TUNAR: variants seen among roughly 807,000 people sequenced by gnomAD.
TUNAR encodes transmembrane neural differentiation associated intracellular calcium regulator.
chr14:95,879,645 G>A (rs538224239), intron 2 of TUNAR, among the ~76,000 whole-genome samples: 36 of 149,792 alleles, frequency 2.4e-4, no homozygotes, highest in African/African-American at 7.3e-4. Context: ...TTTTCTCCCC[G>A]TGTGAAAATA....
chr14:95,887,161 G>A (rs1372690629), intron 2 of TUNAR, among the ~76,000 whole-genome samples: 1 of 152,184 alleles, frequency 6.6e-6, no homozygotes, highest in African/African-American at 2.4e-5. Flanking sequence ...GGTTCTCAGA[G>A]CACCTAGTGC....
chr14:95,889,592 A>T (rs1207017190), intron 2 of TUNAR, among the ~76,000 whole-genome samples: 1 of 152,114 alleles, frequency 6.6e-6, no homozygotes, highest in Non-Finnish European at 1.5e-5. Flanking sequence ...CGTGACTGGG[A>T]GCTGACTGCT....
intron 2 of TUNAR, 36 bp from the exon 2 acceptor site, chr14:95,922,745 A>G (rs1889717488): frequency 2.5e-6 from 1 of 398,564 alleles, no homozygotes; most frequent in African/African-American, 2.1e-5. Flanking sequence ...ATGCTTATAA[A>G]TGATCATCTT....
At chr14:95,917,746 AT>A (rs1889629223) in intron 2 of TUNAR, among the ~76,000 whole-genome samples, 1 of 152,218 alleles carries the variant, frequency 6.6e-6, no homozygotes, top group Non-Finnish European at 1.5e-5. Flanking sequence ...TGGGCACTTT[AT>A]ATTTCAGATA....
At chr14:95,904,599 G>A (rs779987118) in intron 2 of TUNAR, among the ~76,000 whole-genome samples, 2 of 152,180 alleles carry the variant, frequency 1.3e-5, no homozygotes, top group Admixed American at 6.5e-5. Context: ...CCTAAGAGGT[G>A]GGCCACACTG....
chr14:95,896,496 C>T (rs1225454220), intron 2 of TUNAR, among the ~76,000 whole-genome samples: 1 of 152,202 alleles, frequency 6.6e-6, no homozygotes, highest in Non-Finnish European at 1.5e-5. Flanking sequence ...GCTGGGACTT[C>T]CATGAAGGGA....
intron 2 of TUNAR, among the ~76,000 whole-genome samples, chr14:95,916,418 G>A (rs952013390): frequency 1.3e-5 from 2 of 152,164 alleles, no homozygotes; most frequent in Non-Finnish European, 2.9e-5. Context: ...ACTCGATATT[G>A]TATTTGCAAT....
At chr14:95,887,881 C>A (rs1156848306) in intron 2 of TUNAR, among the ~76,000 whole-genome samples, 2 of 152,196 alleles carry the variant, frequency 1.3e-5, no homozygotes, top group Non-Finnish European at 2.9e-5. Context: ...AGCATCTGAC[C>A]TCAGTTCCTT....
exon 3 of TUNAR, chr14:95,923,004 A>G: frequency 2.5e-6 from 1 of 399,058 alleles, no homozygotes; most frequent in Non-Finnish European, 4.4e-6. Context: ...AGAATGGCCA[A>G]AGACGGAAGT....
intron 2 of TUNAR, among the ~76,000 whole-genome samples, chr14:95,897,227 T>C (rs1461409492): frequency 1.3e-5 from 2 of 152,242 alleles, no homozygotes; most frequent in African/African-American, 4.8e-5. Flanking sequence ...ATCCAGACAG[T>C]GCATTGATCG....
rs549628418 is a variant in TUNAR at position 95,902,340 on chromosome 14, C to T, written c.13-20441C>T. Among the ~76,000 whole-genome samples the T allele has an allele frequency of 8.5e-5, 13 of 152,228 alleles. No individual in the cohort carries two copies. The South Asian group carries it at 2.7e-3, about 32-fold the overall frequency. ...GCTATTTCCAGGCTGGACGCAAACA[C>T]AGTTGGAGGGATCCATATGCAGAGA... On this transcript the variant is annotated intron_variant, in intron 2 of 2. Transcript: ENST00000678517.
intron 2 of TUNAR, among the ~76,000 whole-genome samples, chr14:95,883,961 T>G (rs1889024969): frequency 6.6e-6 from 1 of 152,070 alleles, no homozygotes; most frequent in African/African-American, 2.4e-5. Context: ...CACAGTGGTG[T>G]TCAAGAAGCA....
chr14:95,882,209 C>T (rs1336308809), intron 2 of TUNAR, among the ~76,000 whole-genome samples: 1 of 152,126 alleles, frequency 6.6e-6, no homozygotes, highest in Non-Finnish European at 1.5e-5. Context: ...CATCTTCTGC[C>T]CCCAGACTTT....
At chr14:95,900,431 A>G (rs942787601) in intron 2 of TUNAR, among the ~76,000 whole-genome samples, 24 of 152,236 alleles carry the variant, frequency 1.6e-4, no homozygotes, top group Non-Finnish European at 3.5e-4. Flanking sequence ...AGATGGAACC[A>G]GTAAAGCAAG....
intron 2 of TUNAR, among the ~76,000 whole-genome samples, chr14:95,887,345 T>G (rs1889094689): frequency 6.6e-6 from 1 of 152,198 alleles, no homozygotes; most frequent in Non-Finnish European, 1.5e-5. Context: ...GGATGCAGTG[T>G]GCAAAGGGAC....
At chr14:95,887,206 A>G (rs140314459) in intron 2 of TUNAR, among the ~76,000 whole-genome samples, 13 of 152,262 alleles carry the variant, frequency 8.5e-5, no homozygotes, top group Non-Finnish European at 1.5e-4. Context: ...AAGCCAAACC[A>G]TCTCATGAGA....
chr14:95,904,976 G>A (rs1262394651), intron 2 of TUNAR, among the ~76,000 whole-genome samples: 1 of 152,158 alleles, frequency 6.6e-6, no homozygotes, highest in East Asian at 1.9e-4. Context: ...GGAAGCTCTG[G>A]TTCACATCCA....
chr14:95,917,302 A>T lies in TUNAR; in HGVS notation c.13-5479A>T, dbSNP rs534435639. On this transcript the variant is annotated intron_variant, in intron 2 of 2. Coordinates refer to ENST00000678517, the Ensembl canonical transcript of TUNAR. ...GGTATTCCAACACTGCTCATCAAAGACCCGTTTACCCCTGTGGATCAGCAG... is the reference window on the plus strand; with the variant it reads ...GGTATTCCAACACTGCTCATCAAAGTCCCGTTTACCCCTGTGGATCAGCAG... Among the ~76,000 whole-genome samples the T allele has an allele frequency of 3.9e-5, 6 of 152,276 alleles. No individual in the cohort carries two copies. The South Asian group carries it at 1.2e-3, about 32-fold the overall frequency.
At chr14:95,898,026 G>A (rs1225652403) in intron 2 of TUNAR, among the ~76,000 whole-genome samples, 1 of 152,046 alleles carries the variant, frequency 6.6e-6, no homozygotes, top group Non-Finnish European at 1.5e-5. Flanking sequence ...ATCCTCTCCA[G>A]GGCTGCTGCC....
Sources: allele counts gnomAD v4.1 joint callset (sites outside exome capture counted in the v4.1 genomes callset), GRCh38; gene constraint gnomAD v4.1.1; transcripts MANE v1.5; gene names NCBI Gene and HGNC (gene_info 2026-07-23, HGNC 2026-07-21).